Variants in MYLK3 observed in about 807,000 individuals in gnomAD.
MYLK3 encodes myosin light chain kinase 3, also known as MLC kinase.
Under a neutral mutation model 76.3 loss-of-function variants are expected in MYLK3, and 55 were observed. That is an observed-to-expected ratio of 0.72 (90% CI 0.58 to 0.90). The LOEUF (loss-of-function observed/expected upper bound fraction) is 0.90. MYLK3 is among the 40% of genes least tolerant of loss of function. MYLK3 has a pLI of 0.00. For synonymous variants in MYLK3, 416 were observed against 425.4 expected (o/e 0.98, Z 0.27); for missense variants, 973 against 1,053.6 (o/e 0.92, Z 1.06).
intron 1 of MYLK3, among the ~76,000 whole-genome samples, chr16:46,742,546 G>C (rs1966951356): frequency 6.6e-6 from 1 of 151,802 alleles, no homozygotes; most frequent in Non-Finnish European, 1.5e-5. Flanking sequence ...AACTCGGCTA[G>C]GGCAGTCCCC....
chr16:46,714,664 C>T (rs1410876578), intron 9 of MYLK3, among the ~76,000 whole-genome samples: 1 of 152,214 alleles, frequency 6.6e-6, no homozygotes, highest in Non-Finnish European at 1.5e-5. Context: ...AGCCACACCT[C>T]GTGTCATGTG....
chr16:46,748,364 G>A (rs1967067900), upstream of MYLK3: 1 of 1,249,162 alleles, frequency 8.0e-7, no homozygotes, highest in Admixed American at 2.9e-5. The surrounding 1 kb of genome is among the most constrained non-coding windows in gnomAD (Gnocchi z 4.3). Context: ...AGAGGCCCAG[G>A]TTCTTCCTGT....
intron 10 of MYLK3, chr16:46,711,820 C>G (rs892454130): frequency 1.7e-5 from 4 of 228,880 alleles, no homozygotes; most frequent in South Asian, 1.7e-4. Flanking sequence ...ATAAATACCC[C>G]CTAGATGAAA....
chr16:46,748,470 G>A (rs1052794464), upstream of MYLK3, among the ~76,000 whole-genome samples: 1 of 152,144 alleles, frequency 6.6e-6, no homozygotes, highest in African/African-American at 2.4e-5. The surrounding 1 kb of genome is among the most constrained non-coding windows in gnomAD (Gnocchi z 4.3). Context: ...TTGACATCAC[G>A]GCAGCATTTA....
At chr16:46,723,650 C>CTT (rs34270947) in intron 8 of MYLK3, among the ~76,000 whole-genome samples, 11,998 of 130,346 alleles carry the variant, frequency 0.092, 1,071 homozygotes, top group South Asian at 0.42. Context: ...CTAGCTGATG[C>CTT]TTTTTTTTTT....
rs1417190006 is a variant in MYLK3, at chr16:46,738,100, C to A, written c.612G>T (p.Leu204=). The A allele has an allele frequency of 6.3e-7, 1 of 1,586,822 alleles. No homozygotes were observed. The highest frequency in any genetic ancestry group is 8.6e-7 in the Non-Finnish European group (1 of 1,167,008). Residue 204 remains leucine, a synonymous_variant, in exon 3 of 13, where the codon CTG becomes CTT. Transcript: ENST00000394809. ...CCAGCCCTGACGCTCTGATGGGGGG[C>A]AGCCTCTCCGCTGTCCCCTCCAGCA... ...ADVLEGTAER[L]PPIRASGLGA... is the part of the protein sequence containing the mutation.
chr16:46,710,283 ATCT>A (rs746045855), intron 11 of MYLK3, among the ~76,000 whole-genome samples: 1 of 152,198 alleles, frequency 6.6e-6, no homozygotes, highest in Non-Finnish European at 1.5e-5. Context: ...GCCTAAATAG[ATCT>A]TCTTCACCAA....
chr16:46,749,510 T>C (rs1367161415), upstream of MYLK3, among the ~76,000 whole-genome samples: 1 of 152,252 alleles, frequency 6.6e-6, no homozygotes, highest in East Asian at 1.9e-4. Flanking sequence ...CTCACATCTG[T>C]AATCCCAGCA....
At chr16:46,707,828 GA>G in intron 12 of MYLK3, 65 bp from the exon 13 acceptor site, 1 of 1,254,148 alleles carries the variant, frequency 8.0e-7, no homozygotes. Context: ...GCCTTATGAA[GA>G]AACAATAAAA....
At chr16:46,748,964 C>G (rs964898730), upstream of MYLK3, among the ~76,000 whole-genome samples, 1 of 152,196 alleles carries the variant, frequency 6.6e-6, no homozygotes, top group Non-Finnish European at 1.5e-5. The surrounding 1 kb of genome is among the most constrained non-coding windows in gnomAD (Gnocchi z 4.3). Flanking sequence ...ATGTTCTTCA[C>G]AGGGCCCTCA....
intron 1 of MYLK3, 115 bp from the exon 2 acceptor site, chr16:46,740,262 C>T: frequency 2.7e-6 from 2 of 729,306 alleles, no homozygotes; most frequent in Non-Finnish European, 4.8e-6. Context: ...GATTACTTCA[C>T]ACAGTCTCAC....
intron 3 of MYLK3, among the ~76,000 whole-genome samples, chr16:46,737,073 C>T (rs1349409145): frequency 1.3e-5 from 2 of 152,218 alleles, no homozygotes; most frequent in African/African-American, 4.8e-5. Context: ...TCCTTCTCTC[C>T]CCACCATATT....
intron 3 of MYLK3, among the ~76,000 whole-genome samples, chr16:46,735,116 C>G (rs1044597594): frequency 2.0e-5 from 3 of 150,722 alleles, no homozygotes; most frequent in Non-Finnish European, 4.4e-5. Context: ...ACTCCAGCCT[C>G]GGTGACAGAG....
chr16:46,763,137 A>T, exon 1 of MYLK3: 1 of 984,180 alleles, frequency 1.0e-6, no homozygotes. Flanking sequence ...TCTTATACAC[A>T]GACAAACTTA....
Position 46,737,952 on chromosome 16 carries a change from G to T in MYLK3, c.760C>A (p.Pro254Thr). The T allele has an allele frequency of 6.2e-7, 1 of 1,614,224 alleles. No individual in the cohort carries two copies. Among genetic ancestry groups the T allele is most frequent in the South Asian group, 1.1e-5 (1 of 91,084 alleles). The change falls in exon 3 of 13, where the codon CCC (proline) becomes ACC (threonine). Residue 254 changes from proline (P) to threonine (T), a missense_variant. This residue lies in a region of MYLK3 where 641 missense variants were observed against 637.0 expected (regional missense o/e 1.01). Coordinates refer to ENST00000394809, the MANE Select transcript of MYLK3 (RefSeq NM_182493.3). ...AGGCCAGTCCTGAGGTTCTCGCTGG[G>T]TGTCTCAGGAGCCTTGGCTTCCACC... ...TKVEAKAPETPSENLRTGLEL... is the reference protein window; with the variant it reads ...TKVEAKAPETTSENLRTGLEL...
At chr16:46,719,282 G>A (rs1164363588) in intron 9 of MYLK3, among the ~76,000 whole-genome samples, 5 of 151,316 alleles carry the variant, frequency 3.3e-5, no homozygotes, top group Non-Finnish European at 5.9e-5. Flanking sequence ...AGCCGAGATC[G>A]TGCCACTGCA....
intron 8 of MYLK3, among the ~76,000 whole-genome samples, chr16:46,724,915 T>C (rs1399732217): frequency 6.6e-6 from 1 of 152,236 alleles, no homozygotes; most frequent in African/African-American, 2.4e-5. Flanking sequence ...AATTTTCCAA[T>C]CCATGACCAT....
upstream of MYLK3, chr16:46,748,419 A>ACAGGCC (rs1967068820): frequency 3.9e-6 from 3 of 773,382 alleles, no homozygotes; most frequent in Non-Finnish European, 5.8e-6. The surrounding 1 kb of genome is among the most constrained non-coding windows in gnomAD (Gnocchi z 4.3). Context: ...CCTGTGAGTG[A>ACAGGCC]CAGGCCGAGG....
In MYLK3 at chr16:46,738,071, G is replaced by A; in HGVS notation, c.641C>T (p.Ala214Val). Residue 214 changes from alanine to valine, a missense_variant, in exon 3 of 13, where the codon GCT becomes GTT. Ala to Val is a moderately conservative substitution (Grantham distance 64). Coordinates refer to ENST00000394809, the MANE Select transcript of MYLK3 (RefSeq NM_182493.3). ...TGAGACCACTGCCTGGGCGGGGTCA[G>A]CTCCCAGCCCTGACGCTCTGATGGG... ...LPPIRASGLG[A>V]DPAQAVVSPG... The A allele has an allele frequency of 1.2e-6, 2 of 1,603,818 alleles. No homozygotes were observed. Among genetic ancestry groups the A allele is most frequent in the South Asian group, 2.2e-5 (2 of 90,514 alleles).
Sources: allele counts gnomAD v4.1 joint callset (sites outside exome capture counted in the v4.1 genomes callset), GRCh38; gene constraint gnomAD v4.1.1; regional missense constraint gnomAD v4.1.1; non-coding constraint Gnocchi (gnomAD v3.1); transcripts MANE v1.5; gene names NCBI Gene and HGNC (gene_info 2026-07-23, HGNC 2026-07-21).